The following SEMA3F variants were observed in gnomAD, a reference collection of about 807,000 sequenced individuals.
The protein encoded by SEMA3F is semaphorin 3F.
SEMA3F carries 30 observed loss-of-function variants against 98.5 expected under a neutral mutation model. The observed-to-expected ratio is 0.30, with a 90% CI of 0.23 to 0.41. SEMA3F has a LOEUF of 0.41. Ranked by LOEUF, SEMA3F falls within the 10% of genes least tolerant of loss-of-function variation. The probability of loss-of-function intolerance (pLI) is 1.00; values close to 1 mark genes in which losing one functional copy is unlikely to be tolerated. For missense variants in SEMA3F, 866 were observed against 1,119.3 expected (o/e 0.77, Z 3.23); for synonymous variants, 380 against 444.8 (o/e 0.85, Z 1.83).
Position 50,187,833 on chromosome 3 carries a change from G to A in SEMA3F, c.2076G>A (p.Val692=). ...ACTTTAAGCACGTCGTCACACGAGT[G>A]CAGCTGCATGTACTGGGCCGGGACG... ...ENNFKHVVTR[V]QLHVLGRDAV... Residue 692 remains valine, a synonymous_variant, in exon 19 of 19, where the codon GTG becomes GTA. Transcript: ENST00000002829. 1 of 1,613,452 alleles carries A rather than the reference G, an allele frequency of 6.2e-7. No homozygotes were observed. Among genetic ancestry groups the A allele is most frequent in the Non-Finnish European group, 8.5e-7 (1 of 1,179,992 alleles).
chr3:50,176,569 C>T lies in SEMA3F; in HGVS notation c.550-199C>T, dbSNP rs142584652. Among the ~76,000 whole-genome samples, 1,210 of 152,196 alleles carry T rather than the reference C, an allele frequency of 8.0e-3. 19 individuals are homozygous for T. Among genetic ancestry groups the T allele is most frequent in the African/African-American group, 0.027 (1,138 of 41,522 alleles). ...CCTAAGACCTGGGACTAGGAAGCACCCCCCTTGGAGCCCACAGCATGGCCC... is the reference window on the plus strand; with the variant it reads ...CCTAAGACCTGGGACTAGGAAGCACTCCCCTTGGAGCCCACAGCATGGCCC... On this transcript the variant is annotated intron_variant, in intron 6 of 18. Transcript: ENST00000002829.
intron 13 of SEMA3F, among the ~76,000 whole-genome samples, chr3:50,185,059 T>C (rs1019322961): frequency 2.6e-5 from 4 of 152,154 alleles, no homozygotes; most frequent in African/African-American, 4.8e-5. Flanking sequence ...TGGGGACTTA[T>C]GTATGTATGG....
Position 50,173,599 on chromosome 3 carries a change from G to A in SEMA3F, c.113-194G>A, listed in dbSNP as rs561153709. 2.0e-5 allele frequency among the ~76,000 whole-genome samples: 3 copies of A among 152,256 alleles called. No homozygotes were observed. In the South Asian group the frequency reaches 6.2e-4, roughly 32 times the overall value. On this transcript the variant is annotated intron_variant, in intron 2 of 18. Transcript: ENST00000002829. Reference sequence around the variant, plus strand: ...GGAGGTTGCAGTGAGCCGCAATCTCGCTACTGTACTGCAGCCTGGGCAACA... The same window carrying A: ...GGAGGTTGCAGTGAGCCGCAATCTCACTACTGTACTGCAGCCTGGGCAACA...
At position 50,183,584 on chromosome 3, in the gene SEMA3F, T is replaced by C. The variant is rs774393790; in HGVS notation, c.1233+20T>C. On this transcript the variant is annotated intron_variant, in intron 12 of 18. Transcript: ENST00000002829. ...GGCACGGTAAGGACCCCACTCATCC[T>C]GCCTCTCCCCTTTCTCTTCTTCTAA... 2 of 1,611,988 alleles carry C rather than the reference T, an allele frequency of 1.2e-6. No individual in the cohort carries two copies. Among genetic ancestry groups the C allele is most frequent in the Non-Finnish European group, 8.5e-7 (1 of 1,178,986 alleles).
intron 7 of SEMA3F, among the ~76,000 whole-genome samples, chr3:50,177,305 G>C (rs921477738): frequency 3.3e-5 from 5 of 152,194 alleles, no homozygotes; most frequent in Non-Finnish European, 7.3e-5. Flanking sequence ...GTGACCAGAC[G>C]GGGAGAGCAT....
intron 2 of SEMA3F, among the ~76,000 whole-genome samples, chr3:50,171,881 G>A (rs1034198135): frequency 6.6e-5 from 10 of 152,182 alleles, no homozygotes; most frequent in African/African-American, 2.4e-4. Flanking sequence ...GCGTCCCAGC[G>A]GTTGGCCAAG....
Position 50,182,457 on chromosome 3 carries a change from G to A in SEMA3F, c.763+54G>A. ...GGCCATGTGTCTGGGATGCGGCAAG[G>A]AGGTCGTAAAGAAGCACATGTGGGG... On this transcript the variant is annotated intron_variant, in intron 8 of 18. Transcript: ENST00000002829. The surrounding 1 kb of genome is among the most constrained non-coding windows in gnomAD (Gnocchi z 4.5). 1 of 1,608,574 alleles carries A rather than the reference G, an allele frequency of 6.2e-7. No homozygotes were observed. Among genetic ancestry groups the A allele is most frequent in the East Asian group, 2.2e-5 (1 of 44,844 alleles).
intron 17 of SEMA3F, 101 bp downstream of exon 17, chr3:50,186,449 T>TGGCTAATGGAGGGTGGG: frequency 7.0e-7 from 1 of 1,427,018 alleles, no homozygotes; most frequent in South Asian, 1.2e-5. Flanking sequence ...GGTGCTCTGA[T>TGGCTAATGGAGGGTGGG]GGCTAATGGA....
At chr3:50,184,215 TGTG>T in intron 12 of SEMA3F, 1 of 270,992 alleles carries the variant, frequency 3.7e-6, no homozygotes, top group Non-Finnish European at 7.1e-6. Flanking sequence ...GAGCCTGGTG[TGTG>T]ACAAGGACGT....
intron 18 of SEMA3F, among the ~76,000 whole-genome samples, chr3:50,187,402 G>A (rs1260491688): frequency 1.5e-5 from 2 of 130,682 alleles, no homozygotes; most frequent in Non-Finnish European, 3.1e-5. Context: ...TAGCCTAGGC[G>A]ACAGAGCCAG....
rs1264087885 is a variant in SEMA3F at position 50,182,556 on chromosome 3, T to A, written c.764-88T>A. The A allele has an allele frequency of 6.3e-7, 1 of 1,581,706 alleles. No individual in the cohort carries two copies. The highest frequency in any genetic ancestry group is 1.3e-5 in the African/African-American group (1 of 74,458). ...CTTATCTGGAGAGGAGTTGGGGGTG[T>A]TCTTGCACCTGGCTGGGGATTCTGT... On this transcript the variant is annotated intron_variant, in intron 8 of 18. Coordinates refer to ENST00000002829, the MANE Select transcript of SEMA3F (RefSeq NM_004186.5). The surrounding 1 kb of genome is among the most constrained non-coding windows in gnomAD (Gnocchi z 4.5).
chr3:50,176,369 T>C (rs964126810), intron 6 of SEMA3F, among the ~76,000 whole-genome samples: 4 of 152,214 alleles, frequency 2.6e-5, no homozygotes, highest in African/African-American at 9.6e-5. Flanking sequence ...CAGCGCTTTC[T>C]TGACCCAAGA....
Position 50,186,691 on chromosome 3 carries a change from C to T in SEMA3F, c.1892C>T (p.Pro631Leu). The T allele has an allele frequency of 6.2e-7, 1 of 1,610,312 alleles. No individual in the cohort carries two copies. The highest frequency in any genetic ancestry group is 8.5e-7 in the Non-Finnish European group (1 of 1,177,092). ...TTCCTTGAGTGCCAGCCCCGCTCGC[C>T]CCAAGCCACTGTTAAGTGGCTGTTC... ...AAFLECQPRS[P>L]QATVKWLFQR... The change falls in exon 18 of 19, where the codon CCC becomes CTC. Residue 631 changes from proline (P) to leucine (L), a missense_variant. Physicochemically the swap from Pro to Leu is moderately conservative, Grantham distance 98. Coordinates refer to ENST00000002829, the MANE Select transcript of SEMA3F (RefSeq NM_004186.5).
At chr3:50,178,749 C>G (rs896804510) in intron 7 of SEMA3F, among the ~76,000 whole-genome samples, 3 of 149,670 alleles carry the variant, frequency 2.0e-5, no homozygotes, top group Non-Finnish European at 4.4e-5. Context: ...GTAAACCATG[C>G]TGTAAGCAGA....
chr3:50,176,465 T>G (rs2109094961), intron 6 of SEMA3F, among the ~76,000 whole-genome samples: 1 of 152,218 alleles, frequency 6.6e-6, no homozygotes, highest in East Asian at 1.9e-4. Flanking sequence ...TGGAGGGGCT[T>G]CAGCCCCTAC....
chr3:50,183,606 C>A, intron 12 of SEMA3F, 42 bp downstream of exon 12: 1 of 1,602,280 alleles, frequency 6.2e-7, no homozygotes, highest in South Asian at 1.1e-5. Flanking sequence ...TTCTCTTCTT[C>A]TAAGAGGCCT....
chr3:50,172,488 G>A (rs1698654561), intron 2 of SEMA3F, among the ~76,000 whole-genome samples: 1 of 152,068 alleles, frequency 6.6e-6, no homozygotes, highest in Admixed American at 6.5e-5. Context: ...TTCATCCTTA[G>A]GAAGGACTTT....
intron 5 of SEMA3F, 99 bp from the exon 6 acceptor site, chr3:50,174,997 T>C (rs1698753897): frequency 6.3e-6 from 5 of 794,834 alleles, no homozygotes; most frequent in South Asian, 4.4e-5. Context: ...CGTGTTCACG[T>C]GTGTTCCTGG....
upstream of SEMA3F, chr3:50,155,283 G>C: frequency 3.1e-6 from 1 of 319,468 alleles, no homozygotes; most frequent in Non-Finnish European, 5.7e-6. The surrounding 1 kb of genome is among the most constrained non-coding windows in gnomAD (Gnocchi z 4.9). Context: ...CGGCGCGCCG[G>C]CCAGGGGGCG....
Sources: allele counts gnomAD v4.1 joint callset (sites outside exome capture counted in the v4.1 genomes callset), GRCh38; gene constraint gnomAD v4.1.1; non-coding constraint Gnocchi (gnomAD v3.1); transcripts MANE v1.5; gene names NCBI Gene and HGNC (gene_info 2026-07-23, HGNC 2026-07-21).